Variants in ACSM2B observed in about 807,000 individuals in gnomAD.
ACSM2B encodes the protein acyl-coenzyme A synthetase ACSM2B, mitochondrial.
Under a neutral mutation model 78.6 loss-of-function variants are expected in ACSM2B, and 58 were observed. The observed-to-expected ratio is 0.74, with a 90% CI of 0.60 to 0.92. ACSM2B has a LOEUF of 0.92. Among genes scored for constraint, ACSM2B ranks in the 40% least tolerant of loss-of-function variants. The pLI is 0.00. For synonymous variants in ACSM2B, 257 were observed against 256.8 expected (o/e 1.00, Z -0.01); for missense variants, 688 against 711.2 (o/e 0.97, Z 0.37).
intron 5 of ACSM2B, 146 bp downstream of exon 5, chr16:20,553,631 A>C: frequency 7.7e-7 from 1 of 1,295,992 alleles, no homozygotes; most frequent in Non-Finnish European, 1.0e-6. Flanking sequence ...CAGCATGTGA[A>C]GCCATGTCCT....
At chr16:20,566,916 TTA>T (rs1476384845) in intron 1 of ACSM2B, among the ~76,000 whole-genome samples, 1 of 118,350 alleles carries the variant, frequency 8.4e-6, no homozygotes, top group Non-Finnish European at 1.7e-5. Flanking sequence ...AATAGTATAG[TTA>T]TATATATCTG....
chr16:20,570,946 T>G (rs999861458), intron 1 of ACSM2B, among the ~76,000 whole-genome samples: 57 of 151,924 alleles, frequency 3.8e-4, no homozygotes, highest in African/African-American at 1.3e-3. Context: ...ATTGAGCTTA[T>G]TTGGATTTTC....
Position 20,536,908 on chromosome 16 carries a change from C to A in ACSM2B, c.*350G>T. ...CAATTATTTTTCTTCTATCTTTTCT[C>A]CCCCTTTCATCTCCTCTTTCCTTTC... On this transcript the variant is annotated 3_prime_UTR_variant, in exon 14 of 14. Coordinates refer to ENST00000329697, the MANE Select transcript of ACSM2B (RefSeq NM_001105069.2). 1 of 186,270 alleles carries A rather than the reference C, an allele frequency of 5.4e-6. No individual in the cohort carries two copies. The highest frequency in any genetic ancestry group is 1.1e-5 in the Non-Finnish European group (1 of 91,430). 11.5% of individuals were successfully genotyped at this position (186,270 alleles called of 1,614,324 possible). A position where few individuals can be genotyped will look rare whatever the true frequency, so the allele number is the denominator to read the frequency against.
At chr16:20,566,682 G>GTATATATACTA (rs1235758959) in intron 1 of ACSM2B, among the ~76,000 whole-genome samples, 2 of 4,026 alleles carry the variant, frequency 5.0e-4, no homozygotes, top group Non-Finnish European at 1.1e-3. Context: ...TATACATATA[G>GTATATATACTA]TATATACTAT....
At chr16:20,554,707 C>T (rs538804013) in intron 4 of ACSM2B, among the ~76,000 whole-genome samples, 1 of 152,292 alleles carries the variant, frequency 6.6e-6, no homozygotes, top group Admixed American at 6.5e-5. Context: ...GAAGAAGAGC[C>T]TAGAAACTTG....
Position 20,556,471 on chromosome 16 carries a change from A to T in ACSM2B, c.389-995T>A, listed in dbSNP as rs2015477611. ...ACAAAAATTATCTGGGCTTGGTGGC[A>T]CACGCCTGTAATCCCAGCTACTCAG... On this transcript the variant is annotated intron_variant, in intron 3 of 13. Transcript: ENST00000329697. Among the ~76,000 whole-genome samples, 4 of 152,152 alleles carry T rather than the reference A, an allele frequency of 2.6e-5. No individual in the cohort carries two copies. The South Asian group carries it at 8.3e-4, about 32-fold the overall frequency.
chr16:20,566,273 AT>A (rs2015835576), intron 1 of ACSM2B, among the ~76,000 whole-genome samples: 1 of 134,780 alleles, frequency 7.4e-6, no homozygotes, highest in Non-Finnish European at 1.6e-5. Context: ...ATATATATAT[AT>A]ATATATATAT....
chr16:20,553,753 G>C lies in ACSM2B; in HGVS notation c.740+24C>G, dbSNP rs117727203. 6.4e-4 allele frequency: 1,027 copies of C among 1,605,936 alleles called. 19 individuals are homozygous for C. In the East Asian group the frequency reaches 0.022, roughly 35 times the overall value. On this transcript the variant is annotated intron_variant, in intron 5 of 13. Coordinates refer to ENST00000329697, the MANE Select transcript of ACSM2B (RefSeq NM_001105069.2). ...TTCATGCCTGGTCATGCAATTCTCTGTAGAGAGAAAGAGCTCAGCTTACCC... is the reference window on the plus strand; with the variant it reads ...TTCATGCCTGGTCATGCAATTCTCTCTAGAGAGAAAGAGCTCAGCTTACCC...
At chr16:20,574,878 A>T (rs1596745439) in intron 1 of ACSM2B, among the ~76,000 whole-genome samples, 2 of 150,542 alleles carry the variant, frequency 1.3e-5, no homozygotes, top group East Asian at 3.9e-4. Context: ...AGAATCCCCG[A>T]GTTCATCATT....
chr16:20,566,636 A>ATATACTATATATAGTATATATAG (rs2015859158), intron 1 of ACSM2B, among the ~76,000 whole-genome samples: 1 of 35,482 alleles, frequency 2.8e-5, no homozygotes, highest in African/African-American at 1.6e-4. Flanking sequence ...TATATATAGT[A>ATATACTATATATAGTATATATAG]TATATATACT....
intron 1 of ACSM2B, chr16:20,574,147 G>T (rs1256537858): frequency 6.6e-6 from 1 of 152,034 alleles, no homozygotes; most frequent in African/African-American, 2.4e-5. Flanking sequence ...GTTCTTCCAT[G>T]CTGGGAAAAG....
chr16:20,541,578 T>A lies in ACSM2B; in HGVS notation c.1510-805A>T, dbSNP rs2014989727. ...TCAAATATCAAACAGCAGGATAGAA[T>A]CCTTCCAGCCTCATCAAAATAGACA... is the stretch of plus-strand genomic sequence containing the variant. On this transcript the variant is annotated intron_variant, in intron 12 of 13. Transcript: ENST00000329697. The A allele has an allele frequency of 2.6e-5, 4 of 152,034 alleles. No individual in the cohort carries two copies. In the South Asian group the frequency reaches 8.3e-4, roughly 32 times the overall value. The allele number at this position is 152,034 out of a possible 1,614,324, so 9.4% of individuals were successfully genotyped here. A position where few individuals can be genotyped will look rare whatever the true frequency, so the allele number is the denominator to read the frequency against.
chr16:20,555,126 T>A, intron 4 of ACSM2B, 143 bp downstream of exon 4: 1 of 1,354,838 alleles, frequency 7.4e-7, no homozygotes. Flanking sequence ...AACCCTTGTA[T>A]TAGCTTTTAT....
At chr16:20,553,968 A>T in intron 4 of ACSM2B, 48 bp from the exon 5 acceptor site, 1 of 1,609,968 alleles carries the variant, frequency 6.2e-7, no homozygotes, top group Non-Finnish European at 8.5e-7. Flanking sequence ...CCTGGACACC[A>T]GATATCAAAG....
intron 8 of ACSM2B, chr16:20,547,236 A>G: frequency 1.0e-6 from 1 of 986,074 alleles, no homozygotes; most frequent in Non-Finnish European, 1.2e-6. Flanking sequence ...TTGTAAGCAT[A>G]TTCTAAACAT....
intron 13 of ACSM2B, among the ~76,000 whole-genome samples, chr16:20,539,294 GA>G (rs1301410477): frequency 2.3e-5 from 1 of 43,250 alleles, no homozygotes; most frequent in East Asian, 3.2e-4. Context: ...GAAGACCTAT[GA>G]CAATTAGCCT....
intron 9 of ACSM2B, among the ~76,000 whole-genome samples, chr16:20,545,829 A>G (rs2015123587): frequency 6.6e-6 from 1 of 152,226 alleles, no homozygotes; most frequent in African/African-American, 2.4e-5. Flanking sequence ...TATACACATA[A>G]CACAGATACA....
At chr16:20,570,842 T>A (rs1350816063) in intron 1 of ACSM2B, among the ~76,000 whole-genome samples, 5 of 151,958 alleles carry the variant, frequency 3.3e-5, no homozygotes, top group Admixed American at 2.6e-4. Flanking sequence ...TCCTCTAAGT[T>A]TTTTAGTTTA....
intron 3 of ACSM2B, among the ~76,000 whole-genome samples, chr16:20,558,607 C>T (rs1056079730): frequency 3.3e-5 from 5 of 152,072 alleles, no homozygotes; most frequent in African/African-American, 9.7e-5. Flanking sequence ...CCTACTCATC[C>T]TGCAGATCTC....
Sources: gnomAD v4.1 joint callset for allele counts (sites outside exome capture counted in the v4.1 genomes callset) on GRCh38, gnomAD v4.1.1 for gene constraint, MANE v1.5 for transcripts, NCBI Gene and HGNC (gene_info 2026-07-23, HGNC 2026-07-21) for gene names.